Variants in COL17A1 observed in about 807,000 individuals in gnomAD.
COL17A1 encodes collagen type XVII alpha 1 chain.
In COL17A1, 181 loss-of-function variants were observed where a neutral mutation model predicts 218.4. That is an observed-to-expected ratio of 0.83 (90% CI 0.73 to 0.94). COL17A1 has a LOEUF of 0.94. Among genes scored for constraint, COL17A1 ranks in the 40% least tolerant of loss-of-function variants. The probability of loss-of-function intolerance (pLI) is 0.00; values close to 1 mark genes in which losing one functional copy is unlikely to be tolerated. For missense variants in COL17A1, 1,924 were observed against 1,945.9 expected, an observed-to-expected ratio of 0.99 and a Z score of 0.21; for synonymous variants, 721 against 731.0, an observed-to-expected ratio of 0.99 and a Z score of 0.22.
rs1351858225 is a variant in COL17A1, at chr10:104,034,078, G to T, written c.4023C>A (p.Ile1341=). 1 of 1,613,964 alleles carries T rather than the reference G, an allele frequency of 6.2e-7. No homozygotes were observed. Among genetic ancestry groups the T allele is most frequent in the Non-Finnish European group, 8.5e-7 (1 of 1,180,048 alleles). ...AGDRGPYGTD[I]GPGGGYGAAA... is the part of the protein sequence containing the mutation. ...CTGCCCCATAGCCTCCGCCTGGGCC[G>T]ATGTCAGTGCCATAGGGACCCCTGT... The change falls in exon 52 of 56, where the codon ATC becomes ATA. Residue 1341 remains isoleucine, a synonymous_variant. Transcript: ENST00000648076.
intron 16 of COL17A1, among the ~76,000 whole-genome samples, chr10:104,057,439 T>TAAAAAAAAAAAAAAGAAA (rs373296269): frequency 9.7e-5 from 1 of 10,302 alleles, no homozygotes; most frequent in Non-Finnish European, 7.8e-3. Context: ...AACATGGGGT[T>TAAAAAAAAAAAAAAGAAA]AAAAGATTGC....
chr10:104,047,916 G>A (rs1438894810), intron 30 of COL17A1, 106 bp from the exon 31 acceptor site: 5 of 1,376,084 alleles, frequency 3.6e-6, no homozygotes, highest in African/African-American at 2.9e-5. Flanking sequence ...TGACTTGCTG[G>A]CAGGTGGAAA....
At chr10:104,077,367 GTCTC>G in intron 4 of COL17A1, 51 bp downstream of exon 4, 2 of 1,403,956 alleles carry the variant, frequency 1.4e-6, no homozygotes, top group East Asian at 4.7e-5. Context: ...CTTTCTTGGT[GTCTC>G]TCTCTTTGTC....
In COL17A1 at chr10:104,054,885, C is replaced by A. The variant is rs979316282; in HGVS notation, c.1744+96G>T. 3.2e-6 allele frequency: 5 copies of A among 1,580,684 alleles called. 1 individual carries two copies. In the South Asian group the frequency reaches 5.6e-5, roughly 18 times the overall value. ...TGTCCCATCTGTTGTCAAATTACTT[C>A]TTGGAGTGCAAGGTGGGTTTTCTGA... On this transcript the variant is annotated intron_variant, in intron 20 of 55. Transcript: ENST00000648076.
intron 10 of COL17A1, 33 bp from the exon 11 acceptor site, chr10:104,063,851 G>C (rs749289774): frequency 2.2e-5 from 36 of 1,613,502 alleles, no homozygotes; most frequent in Admixed American, 1.0e-4. Context: ...TGGTGAGAGG[G>C]ACATCTGGCC....
At chr10:104,047,325 G>A (rs2086421888) in intron 31 of COL17A1, among the ~76,000 whole-genome samples, 1 of 152,126 alleles carries the variant, frequency 6.6e-6, no homozygotes. Flanking sequence ...CAGTACAGGA[G>A]AGGAGGACAA....
Position 104,072,018 on chromosome 10 carries a change from T to A in COL17A1, c.463+14A>T. The A allele has an allele frequency of 6.2e-7, 1 of 1,614,042 alleles. No individual in the cohort carries two copies. Among genetic ancestry groups the A allele is most frequent in the Non-Finnish European group, 8.5e-7 (1 of 1,179,994 alleles). ...TCTGGACCCTTTCTTTTCAGCAAGATCATGACCACTTACATCGGGTGGATG... is the reference window on the plus strand; with the variant it reads ...TCTGGACCCTTTCTTTTCAGCAAGAACATGACCACTTACATCGGGTGGATG... On this transcript the variant is annotated intron_variant, in intron 8 of 55. Coordinates refer to ENST00000648076, the MANE Select transcript of COL17A1 (RefSeq NM_000494.4).
At chr10:104,076,167 A>T in intron 5 of COL17A1, 134 bp downstream of exon 5, 1 of 1,394,954 alleles carries the variant, frequency 7.2e-7, no homozygotes, top group Non-Finnish European at 1.0e-6. Flanking sequence ...ATGGAAGTCC[A>T]TAAAAGAAAT....
rs1420782185 is a variant in COL17A1, at chr10:104,037,780, A to G, written c.3071-7T>C. The G allele has an allele frequency of 6.2e-7, 1 of 1,613,506 alleles. No individual in the cohort carries two copies. Among genetic ancestry groups the G allele is most frequent in the South Asian group, 1.1e-5 (1 of 90,994 alleles). On this transcript the variant is annotated splice_polypyrimidine_tract_variant and splice_region_variant and intron_variant, in intron 45 of 55. Transcript: ENST00000648076. ...TAAGATCTAATACTGTCACCTGCCG[A>G]CCAAGGAACAAAGCAAAGTCAAGCC...
chr10:104,054,594 G>C (rs2086501685), intron 20 of COL17A1, among the ~76,000 whole-genome samples: 1 of 152,274 alleles, frequency 6.6e-6, no homozygotes, highest in African/African-American at 2.4e-5. Context: ...GGAGTGAGGA[G>C]GGAGCTGGAG....
intron 52 of COL17A1, 54 bp from the exon 53 acceptor site, chr10:104,033,429 TCAG>T (rs1844717879): frequency 6.3e-7 from 1 of 1,593,518 alleles, no homozygotes; most frequent in East Asian, 2.3e-5. Flanking sequence ...AGTACCCTCT[TCAG>T]CAGGAGCACA....
intron 1 of COL17A1, among the ~76,000 whole-genome samples, chr10:104,085,337 AG>A (rs2086796949): frequency 6.6e-6 from 1 of 152,190 alleles, no homozygotes; most frequent in African/African-American, 2.4e-5. Context: ...AGAGAGACAG[AG>A]GGAAGAGGAG....
chr10:104,046,825 TG>T (rs1333175877), intron 31 of COL17A1, 52 bp from the exon 32 acceptor site: 3 of 1,576,040 alleles, frequency 1.9e-6, no homozygotes, highest in Non-Finnish European at 1.7e-6. Context: ...AGGCCATCCC[TG>T]GTAGCCACAC....
intron 9 of COL17A1, among the ~76,000 whole-genome samples, chr10:104,067,977 A>G (rs567802230): frequency 6.6e-6 from 1 of 152,156 alleles, no homozygotes; most frequent in East Asian, 1.9e-4. Flanking sequence ...AGAGAGAGAC[A>G]GGGAAAGAGA....
Position 104,070,464 on chromosome 10 carries a change from G to T in COL17A1, c.569C>A (p.Thr190Asn), listed in dbSNP as rs2086659894. ...SNTLPIPKKG[T>N]VETKIVTASS... ...CGCTGTCACAATTTTGGTCTCCACA[G>T]TGCCTTTCTTGGGGATGGGGAGTGT... The change falls in exon 9 of 56, where the codon ACT (threonine) becomes AAT (asparagine). Residue 190 changes from threonine (T) to asparagine (N), a missense_variant. Thr to Asn is a moderately conservative substitution (Grantham distance 65, BLOSUM62 0). Coordinates refer to ENST00000648076, the MANE Select transcript of COL17A1 (RefSeq NM_000494.4). The T allele has an allele frequency of 1.2e-6, 2 of 1,614,058 alleles. No homozygotes were observed. Among genetic ancestry groups the T allele is most frequent in the Non-Finnish European group, 1.7e-6 (2 of 1,180,054 alleles).
chr10:104,048,967 G>T (rs2086440569), intron 29 of COL17A1, among the ~76,000 whole-genome samples: 1 of 152,100 alleles, frequency 6.6e-6, no homozygotes, highest in African/African-American at 2.4e-5. Context: ...GGGATTACAG[G>T]CGTGAATCAC....
chr10:104,041,159 G>C (rs1285186150), intron 38 of COL17A1, 41 bp from the exon 39 acceptor site: 1 of 1,611,580 alleles, frequency 6.2e-7, no homozygotes, highest in South Asian at 1.1e-5. Flanking sequence ...TGCCAAGAGG[G>C]GAGCCAGGAA....
chr10:104,056,749 G>A (rs978563320), intron 17 of COL17A1, among the ~76,000 whole-genome samples: 6 of 152,106 alleles, frequency 3.9e-5, no homozygotes, highest in African/African-American at 9.7e-5. Flanking sequence ...AGCATCAGGC[G>A]CTGCATCCAA....
At chr10:104,039,675 C>A (rs2086338500) in intron 41 of COL17A1, 35 bp from the exon 42 acceptor site, 1 of 1,613,858 alleles carries the variant, frequency 6.2e-7, no homozygotes, top group African/African-American at 1.3e-5. Flanking sequence ...CAGTCAGCCT[C>A]ACTTTTCTCA....
Sources: gnomAD v4.1 joint callset for allele counts (sites outside exome capture counted in the v4.1 genomes callset) on GRCh38, gnomAD v4.1.1 for gene constraint, MANE v1.5 for transcripts, NCBI Gene and HGNC (gene_info 2026-07-23, HGNC 2026-07-21) for gene names.